The following SRC variants were observed in gnomAD, a reference collection of about 807,000 sequenced individuals.
The protein encoded by SRC is proto-oncogene tyrosine-protein kinase Src.
SRC carries 13 observed loss-of-function variants against 62.9 expected under a neutral mutation model. That is an observed-to-expected ratio of 0.21 (90% CI 0.13 to 0.33). The LOEUF (loss-of-function observed/expected upper bound fraction) is 0.33. SRC is among the 10% of genes least tolerant of loss of function. The pLI, the probability that SRC is intolerant of heterozygous loss-of-function variation, is 1.00. For missense variants in SRC, 457 were observed against 737.3 expected (o/e 0.62, Z 4.40); for synonymous variants, 302 against 317.5 (o/e 0.95, Z 0.52).
rs1435848020 is a variant in SRC at position 37,384,946 on chromosome 20, A to G, written c.250+543A>G. 6.6e-6 allele frequency among the ~76,000 whole-genome samples: 1 copy of G among 151,418 alleles called. No homozygotes were observed. Among genetic ancestry groups the G allele is most frequent in the East Asian group, 1.9e-4 (1 of 5,134 alleles). On this transcript the variant is annotated intron_variant, in intron 4 of 13. Transcript: ENST00000373578. The surrounding 1 kb of genome is among the most constrained non-coding windows in gnomAD (Gnocchi z 6.7). ...GCCCCAGACACTCCACGCAGACTTC[A>G]CTCCTTCACTCAGACCCGTTCACTC...
At chr20:37,389,670 A>G (rs986916947) in intron 5 of SRC, among the ~76,000 whole-genome samples, 2 of 152,200 alleles carry the variant, frequency 1.3e-5, no homozygotes, top group Admixed American at 1.3e-4. Flanking sequence ...CCACGCTGGC[A>G]CATGTCCCAG....
At chr20:37,395,915 C>T (rs1420905698) in intron 7 of SRC, among the ~76,000 whole-genome samples, 1 of 152,248 alleles carries the variant, frequency 6.6e-6, no homozygotes, top group Non-Finnish European at 1.5e-5. Flanking sequence ...AGGATGTGCA[C>T]CTGGGATATG....
intron 2 of SRC, 42 bp downstream of exon 2, chr20:37,365,319 A>AACACACACAC (rs56153701): frequency 2.3e-5 from 3 of 130,866 alleles, no homozygotes; most frequent in Non-Finnish European, 4.9e-5. Flanking sequence ...AAAAGACATC[A>AACACACACAC]ACACACACAC....
At chr20:37,356,338 C>A (rs147808607) in intron 1 of SRC, among the ~76,000 whole-genome samples, 23 of 152,266 alleles carry the variant, frequency 1.5e-4, no homozygotes, top group African/African-American at 5.3e-4. Context: ...GCCTGCTCCT[C>A]GGGCAGTGAG....
intron 6 of SRC, 38 bp downstream of exon 6, chr20:37,394,031 T>C: frequency 6.3e-7 from 1 of 1,599,478 alleles, no homozygotes; most frequent in Non-Finnish European, 8.6e-7. Flanking sequence ...CCGTCGTCCC[T>C]GGACACTGCC....
chr20:37,377,870 T>A (rs1049149271), intron 2 of SRC, among the ~76,000 whole-genome samples: 2 of 152,116 alleles, frequency 1.3e-5, no homozygotes, highest in Admixed American at 6.5e-5. Context: ...TTTCTTTTTT[T>A]AAAGTTTTTT....
Position 37,405,827 on chromosome 20 carries a change from G to T in SRC, c.*2448G>T. Reference sequence around the variant, plus strand: ...CCTAGGAGTGCAGGGCAGGGGTGCTGGGTCGATCCACAAAAGTCCTGAAAA... The same window carrying T: ...CCTAGGAGTGCAGGGCAGGGGTGCTTGGTCGATCCACAAAAGTCCTGAAAA... On this transcript the variant is annotated 3_prime_UTR_variant, in exon 14 of 14. Coordinates refer to ENST00000373578, the MANE Select transcript of SRC (RefSeq NM_198291.3). 6.6e-6 allele frequency: 1 copy of T among 152,336 alleles called. No homozygotes were observed. 9.4% of individuals were successfully genotyped at this position (152,336 alleles called of 1,614,324 possible).
chr20:37,370,442 G>A (rs1322600288), intron 2 of SRC, among the ~76,000 whole-genome samples: 1 of 152,156 alleles, frequency 6.6e-6, no homozygotes, highest in African/African-American at 2.4e-5. Context: ...GGCTGTGCTG[G>A]CAGGCACCTG....
chr20:37,403,094 G>A lies in SRC; in HGVS notation c.1403-77G>A, dbSNP rs1045854498. The A allele has an allele frequency of 8.5e-5, 122 of 1,430,614 alleles. No individual in the cohort carries two copies. The highest frequency in any genetic ancestry group is 1.1e-4 in the Non-Finnish European group (115 of 1,073,102). 88.6% of individuals were successfully genotyped at this position (1,430,614 alleles called of 1,614,324 possible). On this transcript the variant is annotated intron_variant, in intron 13 of 13. Transcript: ENST00000373578. The surrounding 1 kb of genome is among the most constrained non-coding windows in gnomAD (Gnocchi z 7.1). ...AACCTGTCCTAGGCAGGAAGCCCTC[G>A]CTGCCCTCCCCATCAGCTTCCCCCA...
At chr20:37,400,386 T>A in intron 10 of SRC, 92 bp downstream of exon 10, 1 of 1,223,046 alleles carries the variant, frequency 8.2e-7, no homozygotes. Context: ...AGAATGGGCA[T>A]CTTCAAAGGT....
intron 5 of SRC, 67 bp downstream of exon 5, chr20:37,386,241 A>T: frequency 6.9e-7 from 1 of 1,446,610 alleles, no homozygotes; most frequent in Non-Finnish European, 9.7e-7. Flanking sequence ...GCAGGGGCTC[A>T]TGCAGGATCT....
At chr20:37,383,512 G>C (rs2070395089) in intron 3 of SRC, among the ~76,000 whole-genome samples, 1 of 152,122 alleles carries the variant, frequency 6.6e-6, no homozygotes, top group Non-Finnish European at 1.5e-5. Flanking sequence ...CTCAGATACT[G>C]TCCCTGCCAG....
intron 1 of SRC, among the ~76,000 whole-genome samples, chr20:37,354,565 C>G (rs1330738332): frequency 3.3e-5 from 5 of 152,326 alleles, no homozygotes; most frequent in African/African-American, 9.6e-5. Flanking sequence ...TCCTCAGTCT[C>G]TTAGAAGCCA....
At chr20:37,374,425 A>G (rs536775715) in intron 2 of SRC, among the ~76,000 whole-genome samples, 2 of 152,128 alleles carry the variant, frequency 1.3e-5, no homozygotes, top group East Asian at 3.9e-4. Context: ...TTCTAATTGC[A>G]ATTGGTATAT....
At chr20:37,350,085 G>A (rs997576120) in intron 1 of SRC, among the ~76,000 whole-genome samples, 5 of 152,122 alleles carry the variant, frequency 3.3e-5, no homozygotes, top group African/African-American at 9.7e-5. Context: ...TTCCTGCCTC[G>A]GTGTGTGTCC....
rs541597743 is a variant in SRC at position 37,350,226 on chromosome 20, C to T, written c.-247+3971C>T. Among the ~76,000 whole-genome samples the T allele has an allele frequency of 5.9e-5, 9 of 152,350 alleles. No individual in the cohort carries two copies. The South Asian group carries it at 1.9e-3, about 32-fold the overall frequency. On this transcript the variant is annotated intron_variant, in intron 1 of 13. Coordinates refer to ENST00000373578, the MANE Select transcript of SRC (RefSeq NM_198291.3). ...GGGGGCCACTTCCTCTGGGGAGCCTCAGTTTCTTCATGCCTGAAGTAGGAT... is the reference window on the plus strand; with the variant it reads ...GGGGGCCACTTCCTCTGGGGAGCCTTAGTTTCTTCATGCCTGAAGTAGGAT...
At chr20:37,379,158 CCT>C (rs2070323807) in intron 2 of SRC, among the ~76,000 whole-genome samples, 1 of 152,082 alleles carries the variant, frequency 6.6e-6, no homozygotes, top group Non-Finnish European at 1.5e-5. Context: ...GTGCAGGCCC[CCT>C]GTCTGCTGAG....
intron 1 of SRC, among the ~76,000 whole-genome samples, chr20:37,359,054 G>A (rs969128709): frequency 1.3e-5 from 2 of 152,258 alleles, no homozygotes; most frequent in East Asian, 3.9e-4. Context: ...TCAGGGCCTG[G>A]AGTTGTCTCA....
chr20:37,377,550 C>T (rs1201698957), intron 2 of SRC, among the ~76,000 whole-genome samples: 1 of 152,192 alleles, frequency 6.6e-6, no homozygotes, highest in East Asian at 1.9e-4. Flanking sequence ...GAGTGTGTGG[C>T]ACCCTGTGGT....
Sources: gnomAD v4.1 joint callset for allele counts (sites outside exome capture counted in the v4.1 genomes callset) on GRCh38, gnomAD v4.1.1 for gene constraint, Gnocchi (gnomAD v3.1) non-coding constraint, MANE v1.5 for transcripts, NCBI Gene and HGNC (gene_info 2026-07-23, HGNC 2026-07-21) for gene names.